Variants in BRDT observed in about 807,000 individuals in gnomAD.
BRDT encodes bromodomain testis associated.
BRDT carries 77 observed loss-of-function variants against 113.9 expected under a neutral mutation model. The ratio of observed to expected loss-of-function variants is 0.68; its 90% confidence interval spans 0.56 to 0.82. BRDT has a LOEUF of 0.82. Among genes scored for constraint, BRDT ranks in the 40% least tolerant of loss-of-function variants. BRDT has a pLI of 0.00. For missense variants in BRDT, 1,027 were observed against 1,105.4 expected, an observed-to-expected ratio of 0.93 and a Z score of 1.01; for synonymous variants, 358 against 366.5, an observed-to-expected ratio of 0.98 and a Z score of 0.26.
chr1:91,996,063 T>C (rs1441563223), intron 15 of BRDT, among the ~76,000 whole-genome samples: 1 of 152,116 alleles, frequency 6.6e-6, no homozygotes, highest in Non-Finnish European at 1.5e-5. Flanking sequence ...ATGTCTACTC[T>C]TTTTTTGAAA....
At position 91,962,700 on chromosome 1, in the gene BRDT, TCA is replaced by T; in HGVS notation, c.-37-17_-37-16del. ...CATTCCTAAAGTGCTTCTGAAGTACTCAGTTTTTGTTTTTCAGGACATGTACT... is the reference window on the plus strand; with the variant it reads ...CATTCCTAAAGTGCTTCTGAAGTACTGTTTTTGTTTTTCAGGACATGTACT... On this transcript the variant is annotated splice_polypyrimidine_tract_variant and intron_variant, in intron 1 of 18. Transcript: ENST00000399546. 1 of 1,411,960 alleles carries T rather than the reference TCA, an allele frequency of 7.1e-7. No homozygotes were observed. Among genetic ancestry groups the T allele is most frequent in the Non-Finnish European group, 9.5e-7 (1 of 1,053,940 alleles). The allele number at this position is 1,411,960 out of a possible 1,614,324, so 87.5% of individuals were successfully genotyped here.
intron 1 of BRDT, among the ~76,000 whole-genome samples, chr1:91,959,367 G>A (rs79245355): frequency 0.019 from 2,910 of 151,576 alleles, 116 homozygotes; most frequent in African/African-American, 0.066. Context: ...GTTTAGTTGT[G>A]ACATCCTAGA....
intron 2 of BRDT, 87 bp downstream of exon 2, chr1:91,963,033 A>G: frequency 8.6e-7 from 1 of 1,162,846 alleles, no homozygotes; most frequent in Non-Finnish European, 1.2e-6. Context: ...AATATTATAA[A>G]ACATATTTGG....
rs760869013 is a variant in BRDT at position 91,962,831 on chromosome 1, G to C, written c.77G>C (p.Gly26Ala). 1.2e-6 allele frequency: 2 copies of C among 1,612,406 alleles called. No individual in the cohort carries two copies. The highest frequency in any genetic ancestry group is 2.2e-5 in the South Asian group (2 of 90,582). The change falls in exon 2 of 19, where the codon GGG (glycine) becomes GCG (alanine). Residue 26 changes from glycine to alanine, a missense_variant. By Grantham distance (60) the Gly-to-Ala change is moderately conservative. Coordinates refer to ENST00000399546, the MANE Select transcript of BRDT (RefSeq NM_207189.4). ...GAATATATAAATACTAAGAAAAATG[G>C]GCGATTGACAAATCAACTTCAGTAT... is the stretch of plus-strand genomic sequence containing the variant. The part of the protein sequence containing the change: ...PPEYINTKKN[G>A]RLTNQLQYLQ...
chr1:91,991,115 TG>T (rs1685713636), intron 12 of BRDT, 68 bp from the exon 13 acceptor site: 1 of 1,056,436 alleles, frequency 9.5e-7, no homozygotes, highest in Non-Finnish European at 1.4e-6. Flanking sequence ...GTTTCTAATA[TG>T]GAAAAATTAT....
chr1:91,995,454 T>A (rs1686223390), intron 15 of BRDT, among the ~76,000 whole-genome samples: 1 of 140,918 alleles, frequency 7.1e-6, no homozygotes, highest in African/African-American at 2.8e-5. Context: ...TGTGTGTGTG[T>A]GTGTTGTTTA....
intron 1 of BRDT, chr1:91,950,099 G>A (rs1203653491): frequency 6.6e-6 from 1 of 152,040 alleles, no homozygotes; most frequent in Non-Finnish European, 1.5e-5. Flanking sequence ...CCTCTTTTGG[G>A]TACTGCAGGA....
chr1:91,997,052 TAAAAG>T (rs941077490), intron 15 of BRDT, among the ~76,000 whole-genome samples: 1 of 151,470 alleles, frequency 6.6e-6, no homozygotes, highest in South Asian at 2.1e-4. Flanking sequence ...AAAAAATAGT[TAAAAG>T]AAGAGGTAAT....
intron 13 of BRDT, among the ~76,000 whole-genome samples, chr1:91,991,991 C>CAAAAAAAAAAAAAAAAAAAAAAAA (rs764759925): frequency 4.4e-5 from 3 of 67,744 alleles, no homozygotes; most frequent in Non-Finnish European, 7.7e-5. Context: ...GACTCTGTCT[C>CAAAAAAAAAAAAAAAAAAAAAAAA]AAAAAAAAAA....
At chr1:91,998,531 A>C (rs554566048) in intron 15 of BRDT, among the ~76,000 whole-genome samples, 1 of 152,350 alleles carries the variant, frequency 6.6e-6, no homozygotes. Flanking sequence ...AATTATATTG[A>C]GTTTTTAAAA....
At chr1:91,994,638 G>A (rs926914842) in intron 15 of BRDT, among the ~76,000 whole-genome samples, 7 of 151,668 alleles carry the variant, frequency 4.6e-5, no homozygotes, top group African/African-American at 1.7e-4. Flanking sequence ...AGGCCGAGGC[G>A]GGCGGATCAC....
intron 1 of BRDT, among the ~76,000 whole-genome samples, chr1:91,952,812 C>CCTTCCAGG (rs1455516149): frequency 6.9e-6 from 1 of 145,446 alleles, no homozygotes; most frequent in Non-Finnish European, 1.5e-5. Context: ...GGACCAAGGG[C>CCTTCCAGG]CTTCCAGGGG....
At chr1:91,952,533 A>G (rs1474695629) in intron 1 of BRDT, among the ~76,000 whole-genome samples, 1 of 137,248 alleles carries the variant, frequency 7.3e-6, no homozygotes, top group Non-Finnish European at 1.5e-5. Flanking sequence ...GCCATAAGAA[A>G]ATGATAGGAT....
intron 1 of BRDT, among the ~76,000 whole-genome samples, chr1:91,952,828 G>T (rs1681266366): frequency 6.6e-6 from 1 of 151,150 alleles, no homozygotes; most frequent in Non-Finnish European, 1.5e-5. Context: ...AGGGGTGATG[G>T]GGGAGTGTTA....
At chr1:91,989,942 G>T (rs1685617039) in intron 12 of BRDT, among the ~76,000 whole-genome samples, 1 of 152,170 alleles carries the variant, frequency 6.6e-6, no homozygotes, top group Non-Finnish European at 1.5e-5. Flanking sequence ...GAAGGCAGAA[G>T]GTAATTATTA....
At chr1:91,984,257 A>G (rs1005552315) in intron 12 of BRDT, among the ~76,000 whole-genome samples, 6 of 152,132 alleles carry the variant, frequency 3.9e-5, no homozygotes, top group African/African-American at 1.4e-4. Context: ...CTAAATATCA[A>G]TTTCAGTTGC....
At position 91,980,744 on chromosome 1, in the gene BRDT, G is replaced by A; in HGVS notation, c.1389G>A (p.Lys463=). The change falls in exon 9 of 19, where the codon AAG becomes AAA. Residue 463 remains lysine, a synonymous_variant. Coordinates refer to ENST00000399546, the MANE Select transcript of BRDT (RefSeq NM_207189.4). ...EKSKKEKKKE[K]VNNSNENPRK... ...CTAAAAAGGAAAAGAAAAAAGAAAA[G>A]GTTAATAACAGCAATGAAAATCCAA... is the stretch of plus-strand genomic sequence containing the variant. 6.2e-7 allele frequency: 1 copy of A among 1,607,220 alleles called. No homozygotes were observed. Among genetic ancestry groups the A allele is most frequent in the Non-Finnish European group, 8.5e-7 (1 of 1,178,678 alleles).
At position 91,968,452 on chromosome 1, in the gene BRDT, G is replaced by A. The variant is rs1279389362; in HGVS notation, c.445+192G>A. On this transcript the variant is annotated intron_variant, in intron 4 of 18. Coordinates refer to ENST00000399546, the MANE Select transcript of BRDT (RefSeq NM_207189.4). ...GATGGGTATCATTCAAGAATAGTGA[G>A]GACTGCATTGATTATGGCCTCAGAG... is the stretch of plus-strand genomic sequence containing the variant. Among the ~76,000 whole-genome samples, 4 of 152,136 alleles carry A rather than the reference G, an allele frequency of 2.6e-5. No individual in the cohort carries two copies. The East Asian group carries it at 7.7e-4, about 29-fold the overall frequency.
At chr1:91,969,559 T>C (rs1683407896) in intron 4 of BRDT, among the ~76,000 whole-genome samples, 1 of 152,106 alleles carries the variant, frequency 6.6e-6, no homozygotes, top group Non-Finnish European at 1.5e-5. Flanking sequence ...TAAGCCCTTG[T>C]GAGGTAGATA....
Sources: allele counts gnomAD v4.1 joint callset (sites outside exome capture counted in the v4.1 genomes callset), GRCh38; gene constraint gnomAD v4.1.1; transcripts MANE v1.5; gene names NCBI Gene and HGNC (gene_info 2026-07-23, HGNC 2026-07-21).